FRMD4B: variants seen among roughly 807,000 people sequenced by gnomAD.
FRMD4B encodes FERM domain-containing protein 4B.
FRMD4B carries 74 observed loss-of-function variants against 141.5 expected under a neutral mutation model. That is an observed-to-expected ratio of 0.52 (90% CI 0.43 to 0.63). The LOEUF is 0.63. Ranked by LOEUF, FRMD4B falls within the 30% of genes least tolerant of loss-of-function variation. The pLI, the probability that FRMD4B is intolerant of heterozygous loss-of-function variation, is 0.00. For missense variants in FRMD4B, 1,366 were observed against 1,253.4 expected (o/e 1.09, Z -1.36); for synonymous variants, 506 against 467.9 (o/e 1.08, Z -1.05).
chr3:69,181,071 G>A lies in FRMD4B; in HGVS notation c.2679C>T (p.Ala893=). 6.2e-7 allele frequency: 1 copy of A among 1,613,988 alleles called. No homozygotes were observed. Among genetic ancestry groups the A allele is most frequent in the South Asian group, 1.1e-5 (1 of 91,080 alleles). The stretch of plus-strand genomic sequence containing the variant: ...AGCCACGCAAGTGCTCGGCAACTAA[G>A]GCCTTGTGGATGTTTTTGGTGATGT... The part of the protein sequence containing the change: ...SEHITKNIHK[A]LVAEHLRGWY... Residue 893 remains alanine (A), a synonymous_variant, in exon 21 of 23, where the codon GCC becomes GCT. Coordinates refer to ENST00000398540, the MANE Select transcript of FRMD4B (RefSeq NM_015123.3).
intron 7 of FRMD4B, among the ~76,000 whole-genome samples, chr3:69,235,160 A>T (rs2093336809): frequency 8.3e-6 from 1 of 119,818 alleles, no homozygotes; most frequent in Non-Finnish European, 1.6e-5. Flanking sequence ...AAATAATAAT[A>T]ATAATAATAA....
intron 1 of FRMD4B, among the ~76,000 whole-genome samples, chr3:69,494,518 T>C (rs919402590): frequency 3.3e-5 from 5 of 152,188 alleles, no homozygotes; most frequent in African/African-American, 9.7e-5. Context: ...ATAATAGAAC[T>C]ACAATCATGA....
intron 11 of FRMD4B, chr3:69,200,432 A>T (rs751439069): frequency 1.4e-4 from 144 of 995,998 alleles, no homozygotes; most frequent in Non-Finnish European, 1.6e-4. Context: ...AGGTTCCAAA[A>T]ATGGGACAGA....
intron 5 of FRMD4B, among the ~76,000 whole-genome samples, chr3:69,283,440 AAAAAAG>A (rs1335542252): frequency 2.6e-5 from 4 of 152,034 alleles, no homozygotes; most frequent in Middle Eastern, 3.2e-3. Flanking sequence ...AAAAAAAAAA[AAAAAAG>A]AAAGAAAGGT....
chr3:69,518,938 A>G (rs1700809020), intron 1 of FRMD4B, among the ~76,000 whole-genome samples: 1 of 152,234 alleles, frequency 6.6e-6, no homozygotes, highest in Non-Finnish European at 1.5e-5. Context: ...ACAAACGTGC[A>G]GAAGCAACAT....
rs2093159649 is a variant in FRMD4B, at chr3:69,218,197, T to A, written c.789+125A>T. The A allele has an allele frequency of 8.2e-6, 5 of 611,960 alleles. No individual in the cohort carries two copies. The South Asian group carries it at 9.8e-5, about 12-fold the overall frequency. The allele number at this position is 611,960 out of a possible 1,614,324, so 37.9% of individuals were successfully genotyped here. A position where few individuals can be genotyped will look rare whatever the true frequency, so the allele number is the denominator to read the frequency against. ...TAACGTAGCAAGTATTTTGCAAAAA[T>A]AATGTACTTTATAATTTGCTACAAA... On this transcript the variant is annotated intron_variant, in intron 10 of 22. Transcript: ENST00000398540.
At chr3:69,462,561 T>C (rs1260323881) in intron 1 of FRMD4B, among the ~76,000 whole-genome samples, 7 of 152,208 alleles carry the variant, frequency 4.6e-5, no homozygotes, top group Admixed American at 3.9e-4. Flanking sequence ...AGCTACATAA[T>C]TGGTGAGTGG....
At chr3:69,485,663 G>A (rs1298287398) in intron 1 of FRMD4B, among the ~76,000 whole-genome samples, 1 of 152,188 alleles carries the variant, frequency 6.6e-6, no homozygotes, top group Non-Finnish European at 1.5e-5. Flanking sequence ...TCACAGCCTG[G>A]GGTTGGGGAT....
Position 69,224,645 on chromosome 3 carries a change from TG to T in FRMD4B, c.626del (p.Pro209GlnfsTer18). ...RKDLKTLPAFPTKTLQEHPSL... is the reference protein window; with the variant it reads ...RKDLKTLPAFXTKTLQEHPSL... ...ATGGATGCTCCTGAAGAGTTTTGGTTGGAAAGGCTGGTAATGTCTTTAAATC... is the reference window on the plus strand; with the variant it reads ...ATGGATGCTCCTGAAGAGTTTTGGTTGAAAGGCTGGTAATGTCTTTAAATC... On this transcript the variant is annotated frameshift_variant, in exon 8 of 23. Coordinates refer to ENST00000398540, the MANE Select transcript of FRMD4B (RefSeq NM_015123.3). LOFTEE classifies it high-confidence loss of function. The T allele has an allele frequency of 6.3e-7, 1 of 1,587,022 alleles. No individual in the cohort carries two copies. Among genetic ancestry groups the T allele is most frequent in the Admixed American group, 1.7e-5 (1 of 58,058 alleles).
At position 69,378,736 on chromosome 3, in the gene FRMD4B, A is replaced by G. The variant is rs531889990; in HGVS notation, c.162+7092T>C. Among the ~76,000 whole-genome samples, 18 of 152,152 alleles carry G rather than the reference A, an allele frequency of 1.2e-4. No homozygotes were observed. In the East Asian group the frequency reaches 2.5e-3, roughly 21 times the overall value. On this transcript the variant is annotated intron_variant, in intron 1 of 22. Coordinates refer to ENST00000398540, the MANE Select transcript of FRMD4B (RefSeq NM_015123.3). ...CATAAACATCAAAATTCTAAAGTAC[A>G]GGGTCATTCAAGTTCAGGCATTATT...
At chr3:69,297,701 G>A (rs551322072) in intron 4 of FRMD4B, among the ~76,000 whole-genome samples, 36 of 152,228 alleles carry the variant, frequency 2.4e-4, no homozygotes, top group African/African-American at 8.4e-4. Context: ...CATCTGGGCT[G>A]CATTACCAAG....
chr3:69,250,091 G>A lies in FRMD4B; in HGVS notation c.510C>T (p.Ile170=), dbSNP rs750784373. 44 of 1,607,314 alleles carry A rather than the reference G, an allele frequency of 2.7e-5. No homozygotes were observed. The highest frequency in any genetic ancestry group is 3.5e-5 in the Non-Finnish European group (41 of 1,173,948). ...NAKACVHKGQ[I]EVESETIFKL... ...TGAAGATGGTTTCGCTCTCTACTTC[G>A]ATTTGCCCCTGTTGATGGAAAAGGA... is the stretch of plus-strand genomic sequence containing the variant. Residue 170 remains isoleucine, a synonymous_variant, in exon 6 of 23, where the codon ATC becomes ATT. Coordinates refer to ENST00000398540, the MANE Select transcript of FRMD4B (RefSeq NM_015123.3).
chr3:69,205,459 T>G (rs1312717718), intron 11 of FRMD4B, among the ~76,000 whole-genome samples: 1 of 152,192 alleles, frequency 6.6e-6, no homozygotes, highest in African/African-American at 2.4e-5. Flanking sequence ...TCCTTCCGCC[T>G]TGGCTTCCTA....
At chr3:69,477,779 G>A (rs1239611765) in intron 1 of FRMD4B, among the ~76,000 whole-genome samples, 1 of 149,336 alleles carries the variant, frequency 6.7e-6, no homozygotes, top group African/African-American at 2.5e-5. Flanking sequence ...AGAAGGAATG[G>A]TACCAGTTCC....
chr3:69,511,310 A>T (rs772755730), intron 1 of FRMD4B, among the ~76,000 whole-genome samples: 26 of 152,192 alleles, frequency 1.7e-4, no homozygotes, highest in Admixed American at 3.3e-4. Flanking sequence ...AAAAGAATTT[A>T]TAATTTTTTT....
intron 2 of FRMD4B, among the ~76,000 whole-genome samples, chr3:69,415,957 A>C (rs1043454544): frequency 6.6e-6 from 1 of 152,216 alleles, no homozygotes; most frequent in Non-Finnish European, 1.5e-5. Context: ...TATGAAATTA[A>C]TCATTTATTC....
chr3:69,267,431 G>A (rs1203211933), intron 5 of FRMD4B, among the ~76,000 whole-genome samples: 2 of 152,016 alleles, frequency 1.3e-5, no homozygotes, highest in East Asian at 3.9e-4. Flanking sequence ...AATAAAGACT[G>A]TATATTAAAC....
Position 69,263,525 on chromosome 3 carries a change from G to A in FRMD4B, c.502-13426C>T, listed in dbSNP as rs1367685616. Reference sequence around the variant, plus strand: ...GGGCTCAAGTGATCTTCCCACCTCAGTCTTCCAAATAGCTGGGACTAAAGG... The same window carrying A: ...GGGCTCAAGTGATCTTCCCACCTCAATCTTCCAAATAGCTGGGACTAAAGG... On this transcript the variant is annotated intron_variant, in intron 5 of 22. Transcript: ENST00000398540. Among the ~76,000 whole-genome samples the A allele has an allele frequency of 2.0e-5, 3 of 148,896 alleles. No homozygotes were observed. The Admixed American group carries it at 2.1e-4, about 10-fold the overall frequency.
intron 1 of FRMD4B, among the ~76,000 whole-genome samples, chr3:69,318,842 A>T (rs1404331342): frequency 6.6e-6 from 1 of 152,128 alleles, no homozygotes; most frequent in Non-Finnish European, 1.5e-5. Flanking sequence ...TCTGGGCTTG[A>T]TTTCTTCCAT....
Sources: gnomAD v4.1 joint callset for allele counts (sites outside exome capture counted in the v4.1 genomes callset) on GRCh38, gnomAD v4.1.1 for gene constraint, MANE v1.5 for transcripts, NCBI Gene and HGNC (gene_info 2026-07-23, HGNC 2026-07-21) for gene names.